CHCHD6: variants seen among roughly 807,000 people sequenced by gnomAD.
CHCHD6 encodes coiled-coil-helix-coiled-coil-helix domain containing 6.
A neutral mutation model predicts 32.3 loss-of-function variants in CHCHD6; 28 were observed. The ratio of observed to expected loss-of-function variants is 0.87; its 90% CI spans 0.64 to 1.19. The LOEUF is 1.19. CHCHD6 is among the 50% of genes most tolerant of loss of function. CHCHD6 has a pLI of 0.00. For synonymous variants in CHCHD6, 122 were observed against 117.5 expected, an observed-to-expected ratio of 1.04 and a Z score of -0.25; for missense variants, 333 against 307.0, an observed-to-expected ratio of 1.08 and a Z score of -0.63.
At chr3:126,872,338 C>A (rs554346252) in intron 5 of CHCHD6, among the ~76,000 whole-genome samples, 14 of 152,278 alleles carry the variant, frequency 9.2e-5, no homozygotes, top group Admixed American at 6.5e-5. Context: ...GTGTTTGAGT[C>A]TAGCCTGAGC....
chr3:126,910,765 G>T (rs935646931), intron 5 of CHCHD6, among the ~76,000 whole-genome samples: 1 of 152,156 alleles, frequency 6.6e-6, no homozygotes, highest in Non-Finnish European at 1.5e-5. Flanking sequence ...ACTAAGTGCT[G>T]GTCAGCTGGA....
At chr3:126,857,955 G>T (rs1196860834) in intron 5 of CHCHD6, among the ~76,000 whole-genome samples, 1 of 138,260 alleles carries the variant, frequency 7.2e-6, no homozygotes, top group Non-Finnish European at 1.7e-5. Flanking sequence ...TGTGCCCCCA[G>T]GTTCACCAGA....
At position 126,879,781 on chromosome 3, in the gene CHCHD6, G is replaced by A. The variant is rs115889467; in HGVS notation, c.495+27051G>A. Among the ~76,000 whole-genome samples, 935 of 152,302 alleles carry A rather than the reference G, an allele frequency of 6.1e-3. 9 individuals carry two copies. Among genetic ancestry groups the A allele is most frequent in the African/African-American group, 0.021 (888 of 41,564 alleles). On this transcript the variant is annotated intron_variant, in intron 5 of 7. Coordinates refer to ENST00000290913, the MANE Select transcript of CHCHD6 (RefSeq NM_032343.3). ...TGTTTTATAAAGACAAAATAGGAAC[G>A]TGTCAGAATGTCCTTGTTTTTAGGA...
intron 1 of CHCHD6, among the ~76,000 whole-genome samples, chr3:126,720,037 C>T (rs1403487409): frequency 1.3e-5 from 2 of 152,190 alleles, no homozygotes; most frequent in Non-Finnish European, 2.9e-5. Context: ...CCCGCCACCA[C>T]GCCAGGCTAA....
At chr3:126,792,704 G>A (rs1419959718) in intron 4 of CHCHD6, among the ~76,000 whole-genome samples, 1 of 152,104 alleles carries the variant, frequency 6.6e-6, no homozygotes, top group African/African-American at 2.4e-5. Flanking sequence ...CTTCATGTAT[G>A]TTTGAAACTA....
chr3:126,836,004 A>G (rs1430593507), intron 4 of CHCHD6, among the ~76,000 whole-genome samples: 1 of 152,216 alleles, frequency 6.6e-6, no homozygotes. Context: ...ACGGTGTGGG[A>G]AGGGAGATAA....
chr3:126,953,607 AAGCGGTGT>A (rs2078746487), intron 6 of CHCHD6, among the ~76,000 whole-genome samples: 14 of 152,236 alleles, frequency 9.2e-5, no homozygotes, highest in African/African-American at 3.1e-4. Flanking sequence ...TCTATGGGGC[AAGCGGTGT>A]TACTGTTCCC....
chr3:126,879,725 C>T (rs2077584097), intron 5 of CHCHD6, among the ~76,000 whole-genome samples: 1 of 152,180 alleles, frequency 6.6e-6, no homozygotes, highest in African/African-American at 2.4e-5. Flanking sequence ...GAGCATTGTG[C>T]TGATGTGAAA....
intron 4 of CHCHD6, among the ~76,000 whole-genome samples, chr3:126,800,820 T>C (rs957990234): frequency 6.6e-6 from 1 of 152,130 alleles, no homozygotes; most frequent in African/African-American, 2.4e-5. Context: ...CTACAGGAGA[T>C]TAAAAGATTG....
intron 5 of CHCHD6, among the ~76,000 whole-genome samples, chr3:126,871,661 C>CTTT (rs869191195): frequency 3.8e-4 from 47 of 125,124 alleles, no homozygotes; most frequent in East Asian, 6.6e-4. Context: ...GACCCCCCAA[C>CTTT]TTTTTTTTTT....
At chr3:126,874,581 C>G (rs1221614441) in intron 5 of CHCHD6, among the ~76,000 whole-genome samples, 2 of 152,186 alleles carry the variant, frequency 1.3e-5, no homozygotes, top group Non-Finnish European at 2.9e-5. Context: ...TCCACTTTCA[C>G]TACCACAGCA....
chr3:126,913,944 C>T (rs1170632620), intron 5 of CHCHD6, among the ~76,000 whole-genome samples: 1 of 152,232 alleles, frequency 6.6e-6, no homozygotes, highest in African/African-American at 2.4e-5. Flanking sequence ...CTGTGTTTTG[C>T]TCCCAGGCCT....
chr3:126,866,479 T>G (rs190648005), intron 5 of CHCHD6, among the ~76,000 whole-genome samples: 42 of 152,372 alleles, frequency 2.8e-4, no homozygotes, highest in Non-Finnish European at 4.7e-4. Flanking sequence ...ATTCCCGTTT[T>G]ACAGATAAAG....
At chr3:126,802,813 A>C (rs1349632207) in intron 4 of CHCHD6, among the ~76,000 whole-genome samples, 3 of 152,226 alleles carry the variant, frequency 2.0e-5, no homozygotes, top group Non-Finnish European at 2.9e-5. Context: ...TCAGCCAGAG[A>C]GAAAGGTTGG....
intron 4 of CHCHD6, among the ~76,000 whole-genome samples, chr3:126,839,393 A>ATT (rs1940982819): frequency 6.6e-6 from 1 of 152,234 alleles, no homozygotes; most frequent in African/African-American, 2.4e-5. Context: ...GCATCTGGCA[A>ATT]TAATTTGGAA....
intron 5 of CHCHD6, among the ~76,000 whole-genome samples, chr3:126,873,779 G>A (rs952761540): frequency 3.9e-5 from 6 of 152,168 alleles, no homozygotes; most frequent in Admixed American, 6.5e-5. Flanking sequence ...CTCCACCAGG[G>A]GCTTTATCTC....
At chr3:126,827,494 G>A (rs933103686) in intron 4 of CHCHD6, among the ~76,000 whole-genome samples, 1 of 152,216 alleles carries the variant, frequency 6.6e-6, no homozygotes, top group African/African-American at 2.4e-5. Context: ...TGCCCAATCA[G>A]CCTTGTGCTG....
intron 4 of CHCHD6, among the ~76,000 whole-genome samples, chr3:126,807,959 G>A (rs2107694674): frequency 6.6e-6 from 1 of 152,318 alleles, no homozygotes; most frequent in Non-Finnish European, 1.5e-5. Flanking sequence ...TTCCAGTAAA[G>A]CTTTATTTAC....
chr3:126,710,201 A>C (rs1934685576), intron 1 of CHCHD6, among the ~76,000 whole-genome samples: 1 of 152,182 alleles, frequency 6.6e-6, no homozygotes, highest in African/African-American at 2.4e-5. Context: ...TGAAAAGATT[A>C]TTCTTTCCCC....
Sources: gnomAD v4.1 joint callset for allele counts (sites outside exome capture counted in the v4.1 genomes callset) on GRCh38, gnomAD v4.1.1 for gene constraint, MANE v1.5 for transcripts, NCBI Gene and HGNC (gene_info 2026-07-23, HGNC 2026-07-21) for gene names.